The following ADAMTS12 variants were observed in gnomAD, a reference collection of about 807,000 sequenced individuals.
The protein encoded by ADAMTS12 is ADAM metallopeptidase with thrombospondin type 1 motif 12.
A neutral mutation model predicts 167.8 loss-of-function variants in ADAMTS12; 118 were observed. The ratio of observed to expected loss-of-function variants is 0.70; its 90% CI spans 0.61 to 0.82. The LOEUF (loss-of-function observed/expected upper bound fraction) is 0.82. Among genes scored for constraint, ADAMTS12 ranks in the 40% least tolerant of loss-of-function variants. The pLI is 0.00. For synonymous variants in ADAMTS12, 704 were observed against 716.9 expected, an observed-to-expected ratio of 0.98 and a Z score of 0.29; for missense variants, 1,916 against 1,998.8, an observed-to-expected ratio of 0.96 and a Z score of 0.79.
intron 5 of ADAMTS12, among the ~76,000 whole-genome samples, chr5:33,681,368 G>A (rs1316130958): frequency 6.6e-6 from 1 of 152,190 alleles, no homozygotes; most frequent in Non-Finnish European, 1.5e-5. Context: ...GAAGCTGAAT[G>A]ATGCCGTTCT....
intron 2 of ADAMTS12, among the ~76,000 whole-genome samples, chr5:33,838,367 C>T (rs1224721783): frequency 1.3e-5 from 2 of 152,076 alleles, no homozygotes; most frequent in Non-Finnish European, 2.9e-5. Context: ...CAAAAAGAAT[C>T]GTAGGCCACA....
chr5:33,533,332 A>G (rs1379298174), intron 23 of ADAMTS12, among the ~76,000 whole-genome samples: 1 of 152,216 alleles, frequency 6.6e-6, no homozygotes, highest in Non-Finnish European at 1.5e-5. Flanking sequence ...AAAGTATGGT[A>G]CCATAGAAGG....
At chr5:33,873,368 A>C (rs1424641324) in intron 2 of ADAMTS12, among the ~76,000 whole-genome samples, 1 of 152,324 alleles carries the variant, frequency 6.6e-6, no homozygotes, top group East Asian at 1.9e-4. Flanking sequence ...AAATATGTAC[A>C]AGATCTATAT....
At position 33,576,529 on chromosome 5, in the gene ADAMTS12, G is replaced by T. The variant is rs561897729; in HGVS notation, c.3497C>A (p.Pro1166His). The T allele has an allele frequency of 1.4e-5, 23 of 1,613,358 alleles. No individual in the cohort carries two copies. The East Asian group carries it at 4.7e-4, about 33-fold the overall frequency. The change falls in exon 19 of 24, where the codon CCT becomes CAT. Residue 1166 changes from proline to histidine, a missense_variant. Physicochemically the swap from Pro to His is moderately conservative, Grantham distance 77. Transcript: ENST00000504830. ...AGGATTGCTTTCATCTTTGTCCTCAGGCTGTTCTCTTTCTTCCCCTGAGCC... is the reference window on the plus strand; with the variant it reads ...AGGATTGCTTTCATCTTTGTCCTCATGCTGTTCTCTTTCTTCCCCTGAGCC... The part of the protein sequence containing the change: ...HSGSGEEREQ[P>H]EDKDESNPVI...
chr5:33,758,373 T>A (rs1048790759), intron 2 of ADAMTS12, among the ~76,000 whole-genome samples: 5 of 152,076 alleles, frequency 3.3e-5, no homozygotes, highest in African/African-American at 1.2e-4. Flanking sequence ...ATCGCTAGGC[T>A]GCAAGAAGGG....
At chr5:33,890,329 A>G (rs1315620016) in intron 1 of ADAMTS12, among the ~76,000 whole-genome samples, 1 of 152,178 alleles carries the variant, frequency 6.6e-6, no homozygotes, top group Non-Finnish European at 1.5e-5. Context: ...AAGCCCTGCT[A>G]TTTTAAACTT....
At chr5:33,676,192 T>G (rs1278598550) in intron 5 of ADAMTS12, among the ~76,000 whole-genome samples, 1 of 152,168 alleles carries the variant, frequency 6.6e-6, no homozygotes, top group Admixed American at 6.5e-5. Flanking sequence ...ATAAAATAGC[T>G]CCACATGGGA....
At chr5:33,850,040 C>A (rs910770110) in intron 2 of ADAMTS12, among the ~76,000 whole-genome samples, 4 of 151,986 alleles carry the variant, frequency 2.6e-5, no homozygotes, top group African/African-American at 9.7e-5. Context: ...ACCTGCTAAA[C>A]GTATTATAAA....
At chr5:33,827,699 G>T (rs1276392991) in intron 2 of ADAMTS12, among the ~76,000 whole-genome samples, 1 of 143,096 alleles carries the variant, frequency 7.0e-6, no homozygotes, top group South Asian at 2.4e-4. Flanking sequence ...ATATGTCCTT[G>T]GAGAAAACAA....
At chr5:33,718,725 GC>G (rs1346235849) in intron 3 of ADAMTS12, among the ~76,000 whole-genome samples, 5 of 152,154 alleles carry the variant, frequency 3.3e-5, no homozygotes, top group Non-Finnish European at 5.9e-5. Flanking sequence ...CTTTCTGGGG[GC>G]CGCAAACTGG....
intron 2 of ADAMTS12, among the ~76,000 whole-genome samples, chr5:33,794,018 C>G (rs1430960334): frequency 6.6e-6 from 1 of 152,216 alleles, no homozygotes; most frequent in East Asian, 1.9e-4. Context: ...CCCTGCTCCT[C>G]TGCCCACCCT....
At chr5:33,871,413 A>AC (rs1159808864) in intron 2 of ADAMTS12, among the ~76,000 whole-genome samples, 2 of 152,188 alleles carry the variant, frequency 1.3e-5, no homozygotes, top group South Asian at 2.1e-4. Flanking sequence ...AAGGAAAACT[A>AC]CAAAAGAATA....
chr5:33,768,963 C>T (rs148349783), intron 2 of ADAMTS12, among the ~76,000 whole-genome samples: 2,401 of 151,914 alleles, frequency 0.016, 27 homozygotes, highest in Admixed American at 0.026. Context: ...AATCAGCTGA[C>T]CTTCAGATAA....
intron 13 of ADAMTS12, among the ~76,000 whole-genome samples, chr5:33,629,999 A>C (rs1329408727): frequency 6.6e-6 from 1 of 152,224 alleles, no homozygotes; most frequent in East Asian, 1.9e-4. Context: ...TTTATGACAG[A>C]AGACTGAGTC....
At chr5:33,591,303 T>A (rs192345373) in intron 17 of ADAMTS12, among the ~76,000 whole-genome samples, 1 of 152,290 alleles carries the variant, frequency 6.6e-6, no homozygotes, top group East Asian at 1.9e-4. Flanking sequence ...TATCAGTATA[T>A]GTTCCAACAG....
At chr5:33,799,462 G>C (rs1278147070) in intron 2 of ADAMTS12, among the ~76,000 whole-genome samples, 2 of 152,088 alleles carry the variant, frequency 1.3e-5, no homozygotes, top group Non-Finnish European at 2.9e-5. Flanking sequence ...TCCCACTTCA[G>C]ACTCTGCAAC....
chr5:33,715,611 A>G (rs772548568), intron 3 of ADAMTS12, among the ~76,000 whole-genome samples: 2 of 152,086 alleles, frequency 1.3e-5, no homozygotes, highest in Non-Finnish European at 2.9e-5. Context: ...CGGCTTTTGT[A>G]GTTGCTCAGC....
chr5:33,737,266 G>T (rs550038636), intron 3 of ADAMTS12, among the ~76,000 whole-genome samples: 4 of 152,322 alleles, frequency 2.6e-5, no homozygotes, highest in South Asian at 4.1e-4. Context: ...TCGAAAGGTG[G>T]TGACTCTATC....
chr5:33,837,554 G>C (rs1748580533), intron 2 of ADAMTS12, among the ~76,000 whole-genome samples: 1 of 152,148 alleles, frequency 6.6e-6, no homozygotes, highest in African/African-American at 2.4e-5. Context: ...TGACCCCACA[G>C]GGCAGGGCAT....
Sources: gnomAD v4.1 joint callset for allele counts (sites outside exome capture counted in the v4.1 genomes callset) on GRCh38, gnomAD v4.1.1 for gene constraint, MANE v1.5 for transcripts, NCBI Gene and HGNC (gene_info 2026-07-23, HGNC 2026-07-21) for gene names.